IL1RAPL1: variants seen among roughly 807,000 people sequenced by gnomAD.
IL1RAPL1 encodes the protein interleukin-1 receptor accessory protein-like 1.
Under a neutral mutation model 48.4 loss-of-function variants are expected in IL1RAPL1, and 3 were observed. The observed-to-expected ratio is 0.06, with a 90% CI of 0.03 to 0.16. IL1RAPL1 has a LOEUF of 0.16. Among genes scored for constraint, IL1RAPL1 ranks in the 10% least tolerant of loss-of-function variants. The probability of loss-of-function intolerance (pLI) is 1.00; values close to 1 mark genes in which losing one functional copy is unlikely to be tolerated. For missense variants in IL1RAPL1, 349 were observed against 530.6 expected, an observed-to-expected ratio of 0.66 and a Z score of 3.36; for synonymous variants, 185 against 187.7, an observed-to-expected ratio of 0.99 and a Z score of 0.12.
chrX:29,498,592 A>C (rs1935239837), intron 5 of IL1RAPL1, among the ~76,000 whole-genome samples: 1 of 110,442 alleles, frequency 9.1e-6, no homozygotes, highest in Non-Finnish European at 1.9e-5. Flanking sequence ...CTTTTTTAAA[A>C]AAAATTTTCT....
At chrX:29,113,129 A>G (rs1434062163) in intron 2 of IL1RAPL1, among the ~76,000 whole-genome samples, 1 of 111,597 alleles carries the variant, frequency 9.0e-6, no homozygotes, top group African/African-American at 3.3e-5. Context: ...AACTTCTTAA[A>G]CACCTTGTTT....
chrX:29,545,087 T>G (rs1403663012), intron 5 of IL1RAPL1, among the ~76,000 whole-genome samples: 1 of 110,132 alleles, frequency 9.1e-6, no homozygotes, highest in African/African-American at 3.3e-5. Flanking sequence ...ACCTTGATAT[T>G]GGACTCCTAG....
At chrX:29,710,322 G>A (rs576573922) in intron 6 of IL1RAPL1, among the ~76,000 whole-genome samples, 105 of 104,468 alleles carry the variant, frequency 1.0e-3, no homozygotes, top group Middle Eastern at 5.0e-3. Flanking sequence ...TTATTGTGTT[G>A]AGATTCATTT....
intron 6 of IL1RAPL1, among the ~76,000 whole-genome samples, chrX:29,831,618 T>C (rs765960552): frequency 4.9e-4 from 55 of 111,906 alleles, no homozygotes; most frequent in African/African-American, 1.8e-3. Flanking sequence ...TTCTAGGATA[T>C]TGACATGAAA....
intron 5 of IL1RAPL1, among the ~76,000 whole-genome samples, chrX:29,632,863 A>G (rs1282779389): frequency 3.6e-5 from 4 of 112,168 alleles, no homozygotes; most frequent in Admixed American, 1.9e-4. Context: ...TGTCTGCTAC[A>G]TGATACCCAT....
chrX:29,835,340 C>A (rs1335924152), intron 6 of IL1RAPL1, among the ~76,000 whole-genome samples: 2 of 112,203 alleles, frequency 1.8e-5, no homozygotes, highest in Admixed American at 9.4e-5. Context: ...ACCATTCTTA[C>A]ATCCCTGGGA....
chrX:29,841,562 A>T (rs909989739), intron 6 of IL1RAPL1, among the ~76,000 whole-genome samples: 3 of 111,790 alleles, frequency 2.7e-5, no homozygotes, highest in African/African-American at 9.7e-5. Flanking sequence ...TCATTGAGCA[A>T]CTATTTAGTT....
chrX:29,331,099 G>A (rs757044046), intron 3 of IL1RAPL1, among the ~76,000 whole-genome samples: 35 of 111,369 alleles, frequency 3.1e-4, no homozygotes, highest in African/African-American at 1.1e-3. Flanking sequence ...CCCAGGAGGC[G>A]GAGGTTGCAG....
intron 1 of IL1RAPL1, among the ~76,000 whole-genome samples, chrX:28,613,034 G>A (rs1361582748): frequency 8.9e-6 from 1 of 111,858 alleles, no homozygotes; most frequent in Non-Finnish European, 1.9e-5. Context: ...GATCTATGAT[G>A]ATTAACTGTG....
intron 6 of IL1RAPL1, among the ~76,000 whole-genome samples, chrX:29,858,127 G>C (rs902828602): frequency 4.5e-5 from 5 of 111,000 alleles, no homozygotes; most frequent in Non-Finnish European, 7.6e-5. Flanking sequence ...TCAACCTCCT[G>C]GTGTTCCAAA....
chrX:29,708,798 A>C (rs1049522244), intron 6 of IL1RAPL1, among the ~76,000 whole-genome samples: 1 of 111,796 alleles, frequency 8.9e-6, no homozygotes, highest in Admixed American at 9.5e-5. Context: ...CCTCTATACT[A>C]TTTCCAAAAT....
chrX:28,741,381 C>A (rs180932758), intron 1 of IL1RAPL1, among the ~76,000 whole-genome samples: 1 of 111,062 alleles, frequency 9.0e-6, no homozygotes, highest in East Asian at 2.8e-4. Context: ...CCATTTTTCA[C>A]TGAGGTTGTT....
At chrX:28,959,249 T>G (rs1198836317) in intron 2 of IL1RAPL1, among the ~76,000 whole-genome samples, 2 of 111,848 alleles carry the variant, frequency 1.8e-5, no homozygotes, top group Non-Finnish European at 3.8e-5. Flanking sequence ...CATAACTTGC[T>G]CTTTTTACAT....
chrX:29,702,276 A>T (rs1235742736), intron 6 of IL1RAPL1, among the ~76,000 whole-genome samples: 1 of 107,981 alleles, frequency 9.3e-6, no homozygotes, highest in African/African-American at 3.4e-5. Flanking sequence ...AAACCTTCCT[A>T]GGAATAGACT....
intron 5 of IL1RAPL1, among the ~76,000 whole-genome samples, chrX:29,418,088 G>GT (rs1321070775): frequency 7.5e-5 from 4 of 53,057 alleles, no homozygotes; most frequent in Non-Finnish European, 1.3e-4. Context: ...TTTTAAAAAA[G>GT]TAATATATAT....
At chrX:29,341,412 T>A (rs192119655) in intron 3 of IL1RAPL1, among the ~76,000 whole-genome samples, 1 of 112,217 alleles carries the variant, frequency 8.9e-6, no homozygotes, top group East Asian at 2.8e-4. Context: ...CTCATTTGCA[T>A]ACTAAAAATA....
intron 2 of IL1RAPL1, among the ~76,000 whole-genome samples, chrX:29,153,629 CT>C (rs747458726): frequency 6.2e-5 from 7 of 112,482 alleles, no homozygotes; most frequent in Non-Finnish European, 1.3e-4. Flanking sequence ...AGTTCTGCTA[CT>C]TGAGATCCAG....
At chrX:29,212,831 T>G (rs1436842494) in intron 2 of IL1RAPL1, among the ~76,000 whole-genome samples, 1 of 112,100 alleles carries the variant, frequency 8.9e-6, no homozygotes, top group Admixed American at 9.5e-5. Flanking sequence ...GTCTTCATTA[T>G]CTTCATTGTC....
intron 2 of IL1RAPL1, among the ~76,000 whole-genome samples, chrX:28,968,206 G>T (rs1484342184): frequency 9.0e-6 from 1 of 111,397 alleles, no homozygotes; most frequent in Non-Finnish European, 1.9e-5. Flanking sequence ...GGTATACTTA[G>T]ATTACTGACA....
Sources: allele counts gnomAD v4.1 joint callset (sites outside exome capture counted in the v4.1 genomes callset), GRCh38; gene constraint gnomAD v4.1.1; transcripts MANE v1.5; gene names NCBI Gene and HGNC (gene_info 2026-07-23, HGNC 2026-07-21).